The following RUNDC3B variants were observed in gnomAD, a reference collection of about 807,000 sequenced individuals.
RUNDC3B encodes the protein RUN domain containing 3B.
RUNDC3B carries 33 observed loss-of-function variants against 58.4 expected under a neutral mutation model. The ratio of observed to expected loss-of-function variants is 0.56; its 90% CI spans 0.43 to 0.75. The LOEUF is 0.75. Among genes scored for constraint, RUNDC3B ranks in the 30% least tolerant of loss-of-function variants. RUNDC3B has a pLI of 0.00. For missense variants in RUNDC3B, 501 were observed against 535.7 expected (o/e 0.94, Z 0.64); for synonymous variants, 193 against 195.2 (o/e 0.99, Z 0.10).
intron 1 of RUNDC3B, among the ~76,000 whole-genome samples, chr7:87,648,482 G>T (rs1280090149): frequency 6.6e-6 from 1 of 151,772 alleles, no homozygotes. Flanking sequence ...AAAGTGTAAA[G>T]GAAAACATAT....
intron 8 of RUNDC3B, among the ~76,000 whole-genome samples, chr7:87,794,282 A>G (rs909418561): frequency 2.6e-5 from 4 of 152,130 alleles, no homozygotes; most frequent in African/African-American, 9.7e-5. Context: ...TAAAAATACA[A>G]AAATTAGCTG....
At chr7:87,796,690 A>C (rs1243045294) in intron 8 of RUNDC3B, among the ~76,000 whole-genome samples, 2 of 152,234 alleles carry the variant, frequency 1.3e-5, no homozygotes, top group Non-Finnish European at 2.9e-5. Context: ...ACCATGTTTC[A>C]TATAGCCAGC....
At chr7:87,746,374 G>A (rs1431627462) in intron 6 of RUNDC3B, among the ~76,000 whole-genome samples, 2 of 152,116 alleles carry the variant, frequency 1.3e-5, no homozygotes, top group African/African-American at 4.8e-5. Flanking sequence ...CTGTCTTGAT[G>A]ACCTCTCTAG....
intron 10 of RUNDC3B, among the ~76,000 whole-genome samples, chr7:87,819,767 C>T (rs1233232262): frequency 6.6e-6 from 1 of 152,180 alleles, no homozygotes. Flanking sequence ...GGAAACTGAA[C>T]AACCTGCTCC....
intron 1 of RUNDC3B, among the ~76,000 whole-genome samples, chr7:87,643,680 T>C (rs1822678793): frequency 1.4e-5 from 2 of 141,822 alleles, no homozygotes; most frequent in African/African-American, 5.3e-5. Flanking sequence ...GCCGCCATGC[T>C]CAGCTGATTT....
At chr7:87,733,712 C>T (rs1831740386) in intron 4 of RUNDC3B, among the ~76,000 whole-genome samples, 1 of 152,138 alleles carries the variant, frequency 6.6e-6, no homozygotes. Flanking sequence ...GAGCATGCAA[C>T]CTAGATCTTT....
At chr7:87,807,701 G>C (rs892417790) in intron 9 of RUNDC3B, among the ~76,000 whole-genome samples, 182 bp downstream of exon 9, 3 of 152,110 alleles carry the variant, frequency 2.0e-5, no homozygotes, top group Non-Finnish European at 4.4e-5. Context: ...TATTGTACCA[G>C]CTGTCTACTT....
chr7:87,682,374 C>T (rs1827010258), intron 2 of RUNDC3B, among the ~76,000 whole-genome samples: 1 of 152,114 alleles, frequency 6.6e-6, no homozygotes, highest in Non-Finnish European at 1.5e-5. Context: ...CGAATCTTTT[C>T]CAGAAGATTT....
At chr7:87,721,744 A>G (rs118157941) in intron 4 of RUNDC3B, among the ~76,000 whole-genome samples, 4,522 of 151,376 alleles carry the variant, frequency 0.03, 63 homozygotes, top group Middle Eastern at 0.048. Context: ...CTTATTTCTC[A>G]CTGTTATGCT....
intron 4 of RUNDC3B, among the ~76,000 whole-genome samples, chr7:87,726,906 A>G (rs1002303837): frequency 2.0e-5 from 3 of 152,126 alleles, no homozygotes; most frequent in Admixed American, 2.0e-4. Context: ...ATTGGTGTAT[A>G]AGAATGCTTG....
At chr7:87,807,706 C>G (rs1836512167) in intron 9 of RUNDC3B, among the ~76,000 whole-genome samples, 187 bp downstream of exon 9, 1 of 152,104 alleles carries the variant, frequency 6.6e-6, no homozygotes, top group Admixed American at 6.5e-5. Context: ...TACCAGCTGT[C>G]TACTTTTCCT....
At chr7:87,634,902 A>G (rs1015202627) in intron 1 of RUNDC3B, among the ~76,000 whole-genome samples, 3 of 152,180 alleles carry the variant, frequency 2.0e-5, no homozygotes, top group Non-Finnish European at 4.4e-5. Flanking sequence ...GATGCGCACA[A>G]TGGAGGTAGG....
At chr7:87,629,416 G>A (rs1820975236) in intron 1 of RUNDC3B, 1 of 152,958 alleles carries the variant, frequency 6.5e-6, no homozygotes, top group Admixed American at 6.5e-5. Flanking sequence ...TTAGTTGAGT[G>A]CCTACTACAT....
At chr7:87,796,734 G>C (rs765397529) in intron 8 of RUNDC3B, among the ~76,000 whole-genome samples, 12 of 152,144 alleles carry the variant, frequency 7.9e-5, no homozygotes, top group Non-Finnish European at 1.6e-4. Context: ...GAGACGTTAA[G>C]GTGTTCCCGG....
chr7:87,818,254 C>A (rs1294907974), intron 10 of RUNDC3B, among the ~76,000 whole-genome samples: 1 of 152,008 alleles, frequency 6.6e-6, no homozygotes, highest in East Asian at 1.9e-4. Flanking sequence ...ACTATAAAAA[C>A]AACTGTATTG....
rs1179651651 is a variant in RUNDC3B, at chr7:87,816,175, G to C, written c.1138G>C (p.Glu380Gln). 1 of 1,609,752 alleles carries C rather than the reference G, an allele frequency of 6.2e-7. No homozygotes were observed. Among genetic ancestry groups the C allele is most frequent in the Non-Finnish European group, 8.5e-7 (1 of 1,176,270 alleles). Residue 380 changes from glutamate (E) to glutamine (Q), a missense_variant, in exon 10 of 11, where the codon GAA becomes CAA. Transcript: ENST00000394654. ...TCAAAGTCTTGACCAGTTATCAGCAGAAGTTAGCCTTTCTCAGACTTCACT... is the reference window on the plus strand; with the variant it reads ...TCAAAGTCTTGACCAGTTATCAGCACAAGTTAGCCTTTCTCAGACTTCACT... Reference protein sequence around the residue: ...SYQSLDQLSAEVSLSQTSLDP... With the variant: ...SYQSLDQLSAQVSLSQTSLDP...
chr7:87,727,531 C>A (rs1286257558), intron 4 of RUNDC3B, among the ~76,000 whole-genome samples: 1 of 151,916 alleles, frequency 6.6e-6, no homozygotes, highest in South Asian at 2.1e-4. Flanking sequence ...TTAAGTTATT[C>A]ATTTTTATGA....
chr7:87,747,966 G>A (rs1832743204), intron 6 of RUNDC3B, among the ~76,000 whole-genome samples: 1 of 152,094 alleles, frequency 6.6e-6, no homozygotes, highest in African/African-American at 2.4e-5. Context: ...CTGCACACTG[G>A]ATTTGCGCTC....
chr7:87,768,004 C>T (rs1053435076), intron 6 of RUNDC3B, among the ~76,000 whole-genome samples: 9 of 152,144 alleles, frequency 5.9e-5, no homozygotes, highest in Admixed American at 3.9e-4. Flanking sequence ...ACTCTGCTGG[C>T]GATCTGTACT....
Sources: gnomAD v4.1 joint callset for allele counts (sites outside exome capture counted in the v4.1 genomes callset) on GRCh38, gnomAD v4.1.1 for gene constraint, MANE v1.5 for transcripts, NCBI Gene and HGNC (gene_info 2026-07-23, HGNC 2026-07-21) for gene names.